Variants in ITGBL1 observed in about 807,000 individuals in gnomAD.
ITGBL1 encodes the protein integrin subunit beta like 1, also known as integrin beta-like protein 1.
A neutral mutation model predicts 68.5 loss-of-function variants in ITGBL1; 51 were observed. The ratio of observed to expected loss-of-function variants is 0.74; its 90% CI spans 0.59 to 0.94. The LOEUF (loss-of-function observed/expected upper bound fraction) is 0.94, where lower values mean the gene tolerates loss of function less well. Among genes scored for constraint, ITGBL1 ranks in the 40% least tolerant of loss-of-function variants. The pLI, the probability that ITGBL1 is intolerant of heterozygous loss-of-function variation, is 0.00. For synonymous variants in ITGBL1, 209 were observed against 227.3 expected (o/e 0.92, Z 0.72); for missense variants, 649 against 647.4 (o/e 1.00, Z -0.03).
intron 8 of ITGBL1, 96 bp from the exon 9 acceptor site, chr13:101,706,660 T>G: frequency 4.3e-4 from 532 of 1,234,478 alleles, no homozygotes; most frequent in Non-Finnish European, 5.5e-4. Context: ...GGATGGGAAA[T>G]GAGATCCTAT....
At chr13:101,702,360 T>C (rs2034156001) in intron 8 of ITGBL1, among the ~76,000 whole-genome samples, 1 of 152,160 alleles carries the variant, frequency 6.6e-6, no homozygotes, top group Non-Finnish European at 1.5e-5. Context: ...GTTGTATTGA[T>C]TTGTCATGGA....
intron 7 of ITGBL1, among the ~76,000 whole-genome samples, chr13:101,666,552 G>A (rs1478046621): frequency 6.6e-6 from 1 of 150,738 alleles, no homozygotes; most frequent in African/African-American, 2.4e-5. Context: ...TTTTCTTCAT[G>A]TTTGATTTAA....
chr13:101,598,095 A>T, intron 6 of ITGBL1, 58 bp from the exon 7 acceptor site: 2 of 1,367,540 alleles, frequency 1.5e-6, no homozygotes, highest in South Asian at 1.4e-5. Context: ...AATGAAAACT[A>T]ATTCCAACTT....
At chr13:101,653,734 G>A (rs1212629333) in intron 7 of ITGBL1, among the ~76,000 whole-genome samples, 1 of 151,902 alleles carries the variant, frequency 6.6e-6, no homozygotes, top group Non-Finnish European at 1.5e-5. Flanking sequence ...CTGTCGCCAG[G>A]CTGGAGTGCA....
chr13:101,505,121 CCAA>C (rs915419693), intron 2 of ITGBL1, among the ~76,000 whole-genome samples: 64 of 152,190 alleles, frequency 4.2e-4, no homozygotes, highest in African/African-American at 1.5e-3. Context: ...TTACAAAAGG[CCAA>C]CATTAACAGT....
At chr13:101,483,069 AC>A (rs1164844879) in intron 2 of ITGBL1, among the ~76,000 whole-genome samples, 1 of 152,168 alleles carries the variant, frequency 6.6e-6, no homozygotes, top group Non-Finnish European at 1.5e-5. Flanking sequence ...TTCAAAGGAT[AC>A]CACCAGGATC....
chr13:101,695,886 T>C (rs753094309), intron 8 of ITGBL1, among the ~76,000 whole-genome samples: 2 of 152,162 alleles, frequency 1.3e-5, no homozygotes, highest in African/African-American at 2.4e-5. Flanking sequence ...AGATGATGAA[T>C]TGAACTATAA....
chr13:101,475,972 A>C (rs2139650879), intron 2 of ITGBL1, among the ~76,000 whole-genome samples: 1 of 152,300 alleles, frequency 6.6e-6, no homozygotes, highest in South Asian at 2.1e-4. Flanking sequence ...TCTAAAAGAA[A>C]AGGATGTTAA....
chr13:101,575,399 AGTCTTTTTTGTTTT>A lies in ITGBL1; in HGVS notation c.464-24_464-11del, dbSNP rs1209705714. 6.2e-7 allele frequency: 1 copy of A among 1,605,406 alleles called. No individual in the cohort carries two copies. The highest frequency in any genetic ancestry group is 8.5e-7 in the Non-Finnish European group (1 of 1,175,112). On this transcript the variant is annotated splice_polypyrimidine_tract_variant and intron_variant, in intron 3 of 10. Coordinates refer to ENST00000376180, the MANE Select transcript of ITGBL1 (RefSeq NM_004791.3). ...ATAATTTTATGTGCATGTAACAAAC[AGTCTTTTTTGTTTT>A]CATGGTTTAGGTACATGTCACTGTG...
chr13:101,570,634 T>C (rs762262582), intron 3 of ITGBL1, among the ~76,000 whole-genome samples: 2 of 152,154 alleles, frequency 1.3e-5, no homozygotes, highest in Non-Finnish European at 2.9e-5. Flanking sequence ...AGGTGCTTCA[T>C]TGAGGGAATG....
intron 7 of ITGBL1, among the ~76,000 whole-genome samples, chr13:101,678,292 A>G (rs2139520428): frequency 6.6e-6 from 1 of 152,352 alleles, no homozygotes; most frequent in South Asian, 2.1e-4. Flanking sequence ...TAATAAAAAG[A>G]TAAGCTAGAA....
At chr13:101,478,519 A>C (rs1438412704) in intron 2 of ITGBL1, among the ~76,000 whole-genome samples, 1 of 152,058 alleles carries the variant, frequency 6.6e-6, no homozygotes, top group Non-Finnish European at 1.5e-5. Context: ...GTTCATCCAC[A>C]TGGGAAAGGA....
At chr13:101,453,749 G>T (rs1370194182) in intron 1 of ITGBL1, 134 bp from the exon 2 acceptor site, 3 of 446,720 alleles carry the variant, frequency 6.7e-6, no homozygotes, top group African/African-American at 2.1e-5. Context: ...CCAGAGAGAT[G>T]TGGGCCTCAG....
chr13:101,641,828 T>C (rs2032388302), intron 7 of ITGBL1, among the ~76,000 whole-genome samples: 1 of 150,450 alleles, frequency 6.6e-6, no homozygotes, highest in Non-Finnish European at 1.5e-5. Flanking sequence ...TTTTTTGTTC[T>C]TGCGATAGTT....
intron 2 of ITGBL1, among the ~76,000 whole-genome samples, chr13:101,509,298 C>G (rs535707428): frequency 6.6e-6 from 1 of 152,120 alleles, no homozygotes; most frequent in Non-Finnish European, 1.5e-5. Context: ...ATAATTCAAT[C>G]ACCTCTCACT....
At chr13:101,573,581 G>T (rs1053668768) in intron 3 of ITGBL1, among the ~76,000 whole-genome samples, 2 of 152,098 alleles carry the variant, frequency 1.3e-5, no homozygotes, top group African/African-American at 4.8e-5. Context: ...TATGTACTAG[G>T]TGCAGCAGTG....
chr13:101,563,494 A>T (rs537086714), intron 2 of ITGBL1, among the ~76,000 whole-genome samples: 1 of 152,016 alleles, frequency 6.6e-6, no homozygotes, highest in East Asian at 1.9e-4. Flanking sequence ...CATGTTAAAA[A>T]GATAGTAAGC....
intron 7 of ITGBL1, among the ~76,000 whole-genome samples, chr13:101,637,633 A>G (rs929584006): frequency 9.9e-5 from 15 of 152,224 alleles, no homozygotes; most frequent in East Asian, 3.9e-4. Context: ...GTGAGCCACC[A>G]TGCACCATGG....
chr13:101,648,923 A>C (rs2032656141), intron 7 of ITGBL1, among the ~76,000 whole-genome samples: 2 of 152,036 alleles, frequency 1.3e-5, no homozygotes, highest in Admixed American at 1.3e-4. Flanking sequence ...CAATTCATTG[A>C]GTCATGAATT....
Sources: gnomAD v4.1 joint callset for allele counts (sites outside exome capture counted in the v4.1 genomes callset) on GRCh38, gnomAD v4.1.1 for gene constraint, MANE v1.5 for transcripts, NCBI Gene and HGNC (gene_info 2026-07-23, HGNC 2026-07-21) for gene names.